Variants in TTN observed in about 807,000 individuals in gnomAD.
The protein encoded by TTN is titin, also known as connectin.
Under a neutral mutation model 3,223.0 loss-of-function variants are expected in TTN, and 1,525 were observed. That is an observed-to-expected ratio of 0.47 (90% CI 0.45 to 0.49). TTN has a LOEUF of 0.49. Among genes scored for constraint, TTN ranks in the 20% least tolerant of loss-of-function variants. The probability of loss-of-function intolerance (pLI) is 0.00; values close to 1 mark genes in which losing one functional copy is unlikely to be tolerated. For missense variants in TTN, 40,786 were observed against 43,424.0 expected, an observed-to-expected ratio of 0.94 and a Z score of 5.40; for synonymous variants, 14,094 against 15,161.0, an observed-to-expected ratio of 0.93 and a Z score of 5.17.
At chr2:178,693,891 T>C (rs753941939) in intron 118 of TTN, 31 bp downstream of exon 118, 1 of 1,594,780 alleles carries the variant, frequency 6.3e-7, no homozygotes, top group East Asian at 2.2e-5. Context: ...ACCCTTCCAT[T>C]TGAGCCCCCA....
rs202040332 is a variant in TTN at position 178,560,726 on chromosome 2, G to C, written c.85406C>G (p.Ser28469Cys). ...TTCTTGGGGACGTCCCCAGGAAAGA[G>C]AGCATTTCTCAGCAGTGAGGCCATT... is the stretch of plus-strand genomic sequence containing the variant. ...EINGLTAEKC[S>C]LSWGRPQEDG... Residue 28469 changes from serine to cysteine, a missense_variant, in exon 326 of 363, where the codon TCT (serine) becomes TGT (cysteine). Transcript: ENST00000589042. 1,415 of 1,613,708 alleles carry C rather than the reference G, an allele frequency of 8.8e-4. 8 individuals are homozygous for C. The highest frequency in any genetic ancestry group is 2.8e-3 in the East Asian group (127 of 44,776).
chr2:178,713,412 AAAAAC>A, intron 92 of TTN, 40 bp from the exon 93 acceptor site: 1 of 1,456,686 alleles, frequency 6.9e-7, no homozygotes, highest in Non-Finnish European at 9.0e-7. Flanking sequence ...ACAAAACAAA[AAAAAC>A]AAAGGACAAC....
rs373878153 is a variant in TTN at position 178,617,921 on chromosome 2, A to G, written c.47430T>C (p.Thr15810=). Reference sequence around the variant, plus strand: ...TTGCAGACAGGTCTTCAGCTCTCACAGTCATGGCAGTATCCCACCTGATAG... The same window carrying G: ...TTGCAGACAGGTCTTCAGCTCTCACGGTCATGGCAGTATCCCACCTGATAG... The part of the protein sequence containing the change: ...KTSIRWDTAM[T]VRAEDLSATV... The change falls in exon 253 of 363, where the codon ACT becomes ACC. Residue 15810 remains threonine (T), a synonymous_variant. Coordinates refer to ENST00000589042, the MANE Select transcript of TTN (RefSeq NM_001267550.2). The G allele has an allele frequency of 4.3e-6, 7 of 1,612,562 alleles. No homozygotes were observed. The highest frequency in any genetic ancestry group is 1.7e-5 in the Admixed American group (1 of 59,922).
chr2:178,667,578 G>C, intron 160 of TTN, 53 bp from the exon 161 acceptor site: 2 of 1,579,686 alleles, frequency 1.3e-6, no homozygotes, highest in Admixed American at 3.5e-5. Context: ...AAAATATTGA[G>C]CTTTTTAAAA....
chr2:178,790,145 G>A (rs1425234963), intron 11 of TTN, 30 bp from the exon 12 acceptor site: 2 of 1,603,258 alleles, frequency 1.2e-6, no homozygotes, highest in Admixed American at 1.7e-5. Context: ...TAAGAAAATA[G>A]TCATTAAATT....
At position 178,792,065 on chromosome 2, in the gene TTN, G is replaced by T. The variant is rs2093535258; in HGVS notation, c.1662+7C>A. ...AAACTACAAAATATTTAGAAAATCAGACTTACTGCTTCTTGAGTTACTTGT... is the reference window on the plus strand; with the variant it reads ...AAACTACAAAATATTTAGAAAATCATACTTACTGCTTCTTGAGTTACTTGT... On this transcript the variant is annotated splice_region_variant and intron_variant, in intron 10 of 362. Coordinates refer to ENST00000589042, the MANE Select transcript of TTN (RefSeq NM_001267550.2). The T allele has an allele frequency of 1.2e-6, 2 of 1,611,236 alleles. No individual in the cohort carries two copies. The highest frequency in any genetic ancestry group is 1.1e-5 in the South Asian group (1 of 90,666).
intron 147 of TTN, 150 bp downstream of exon 147, chr2:178,677,051 A>T (rs890998753): frequency 5.6e-6 from 2 of 360,338 alleles, no homozygotes; most frequent in African/African-American, 4.4e-5. Flanking sequence ...AAAAAAGTAG[A>T]TATCAGTGTT....
intron 274 of TTN, 63 bp from the exon 275 acceptor site, chr2:178,608,540 G>C (rs1019613229): frequency 6.4e-7 from 1 of 1,562,068 alleles, no homozygotes; most frequent in Admixed American, 2.1e-5. Context: ...AATTTTAAAA[G>C]CTGTAGTAAT....
intron 47 of TTN, chr2:178,746,983 C>T (rs2083767942): frequency 6.2e-7 from 1 of 1,613,414 alleles, no homozygotes; most frequent in Non-Finnish European, 8.5e-7. Flanking sequence ...TACCGTCTTC[C>T]CTTTCTATTT....
chr2:178,726,078 G>A (rs748880214), intron 69 of TTN, 32 bp from the exon 70 acceptor site: 13 of 1,491,906 alleles, frequency 8.7e-6, no homozygotes, highest in Admixed American at 2.4e-5. Context: ...CATGAATTGG[G>A]CTACTGAATT....
At chr2:178,727,012 T>G in intron 69 of TTN, 78 bp downstream of exon 69, 1 of 1,267,746 alleles carries the variant, frequency 7.9e-7, no homozygotes, top group East Asian at 2.7e-5. Flanking sequence ...AAAATGATAG[T>G]AAATGAATAA....
rs1421718157 is a variant in TTN, at chr2:178,581,820, G to C, written c.66464-16C>G. The C allele has an allele frequency of 1.3e-6, 2 of 1,594,280 alleles. No individual in the cohort carries two copies. Among genetic ancestry groups the C allele is most frequent in the Non-Finnish European group, 1.7e-6 (2 of 1,171,844 alleles). ...CCAGGAGGATCTGAGAATAAATAAT[G>C]ATAGGAAATTTTCATGAAAACTTCC... is the stretch of plus-strand genomic sequence containing the variant. On this transcript the variant is annotated splice_polypyrimidine_tract_variant and intron_variant, in intron 315 of 362. Coordinates refer to ENST00000589042, the MANE Select transcript of TTN (RefSeq NM_001267550.2).
At chr2:178,761,306 C>A (rs1376503860) in intron 43 of TTN, among the ~76,000 whole-genome samples, 1 of 152,112 alleles carries the variant, frequency 6.6e-6, no homozygotes, top group East Asian at 1.9e-4. Context: ...AAAAGTAAAC[C>A]TGATCATGGT....
chr2:178,764,962 A>G, intron 41 of TTN, 151 bp from the exon 42 acceptor site: 1 of 803,988 alleles, frequency 1.2e-6, no homozygotes, highest in Non-Finnish European at 2.0e-6. Context: ...GAATATTAGA[A>G]CATTCTTTGT....
At position 178,559,709 on chromosome 2, in the gene TTN, G is replaced by A; in HGVS notation, c.86423C>T (p.Thr28808Ile). The stretch of plus-strand genomic sequence containing the variant: ...GTTGGCATTTTCAATGGTCAGTGAT[G>A]TACGAGAGTCTGTGGTATCAACATA... ...RAYVDTTDSRTSLTIENANRN... is the reference protein window; with the variant it reads ...RAYVDTTDSRISLTIENANRN... Residue 28808 changes from threonine to isoleucine, a missense_variant, in exon 326 of 363, where the codon ACA (threonine) becomes ATA (isoleucine). Physicochemically the swap from Thr to Ile is moderately conservative, Grantham distance 89. Transcript: ENST00000589042. 6.2e-7 allele frequency: 1 copy of A among 1,604,410 alleles called. No individual in the cohort carries two copies. The highest frequency in any genetic ancestry group is 1.1e-5 in the South Asian group (1 of 89,344).
rs778693629 is a variant in TTN at position 178,609,505 on chromosome 2, C to A, written c.51805G>T (p.Ala17269Ser). The A allele has an allele frequency of 1.1e-5, 17 of 1,612,382 alleles. No individual in the cohort carries two copies. In the Admixed American group the frequency reaches 1.2e-4, roughly 11 times the overall value. ...VKRGDEIALDASISGSPYPTI... is the reference protein window; with the variant it reads ...VKRGDEIALDSSISGSPYPTI... Reference sequence around the variant, plus strand: ...GGGTAAGGTGATCCAGAAATACTTGCATCAAGTGCTATTTCATCACCTCGT... The same window carrying A: ...GGGTAAGGTGATCCAGAAATACTTGAATCAAGTGCTATTTCATCACCTCGT... The change falls in exon 273 of 363, where the codon GCA becomes TCA. Residue 17269 changes from alanine (A) to serine (S), a missense_variant. Ala to Ser is a moderately conservative substitution (Grantham distance 99, BLOSUM62 1). Coordinates refer to ENST00000589042, the MANE Select transcript of TTN (RefSeq NM_001267550.2).
chr2:178,722,125 T>C lies in TTN; in HGVS notation c.22538A>G (p.Lys7513Arg). The C allele has an allele frequency of 6.4e-7, 1 of 1,561,746 alleles. No homozygotes were observed. Among genetic ancestry groups the C allele is most frequent in the Non-Finnish European group, 8.7e-7 (1 of 1,155,638 alleles). Residue 7513 changes from lysine (K) to arginine (R), a missense_variant, in exon 78 of 363, where the codon AAA becomes AGA. Physicochemically the swap from Lys to Arg is conservative, Grantham distance 26. Transcript: ENST00000589042. The part of the protein sequence containing the change: ...SARLTAREPK[K>R]SPFFDIKPVS... ...AGGCTTGATGTCAAAGAAGGGAGAT[T>C]TCTTGGGTTCTGGAGGATGAGAAGA...
chr2:178,615,505 A>G, intron 258 of TTN, 21 bp from the exon 259 acceptor site: 1 of 1,609,716 alleles, frequency 6.2e-7, no homozygotes, highest in Non-Finnish European at 8.5e-7. Context: ...TGGAAGAGAG[A>G]GTCAGTCTTA....
Position 178,794,711 on chromosome 2 carries a change from A to T in TTN, c.1246-160T>A, listed in dbSNP as rs193266337. 2.0e-5 allele frequency among the ~76,000 whole-genome samples: 3 copies of T among 152,336 alleles called. No homozygotes were observed. In the East Asian group the frequency reaches 5.8e-4, roughly 29 times the overall value. ...CAGAGACTGTATCATTAAAACCTGT[A>T]TATTATGGAAACTTCACAGATTGGA... On this transcript the variant is annotated intron_variant, in intron 7 of 362. Coordinates refer to ENST00000589042, the MANE Select transcript of TTN (RefSeq NM_001267550.2).
Sources: allele counts gnomAD v4.1 joint callset (sites outside exome capture counted in the v4.1 genomes callset), GRCh38; gene constraint gnomAD v4.1.1; transcripts MANE v1.5; gene names NCBI Gene and HGNC (gene_info 2026-07-23, HGNC 2026-07-21).